The following UVRAG variants were observed in gnomAD, a reference collection of about 807,000 sequenced individuals.
The protein encoded by UVRAG is UV radiation resistance associated, also known as UV radiation resistance-associated gene protein.
Under a neutral mutation model 78.0 loss-of-function variants are expected in UVRAG, and 19 were observed. The ratio of observed to expected loss-of-function variants is 0.24; its 90% CI spans 0.17 to 0.36. UVRAG has a LOEUF of 0.36. Ranked by LOEUF, UVRAG falls within the 10% of genes least tolerant of loss-of-function variation. UVRAG has a pLI of 1.00. For synonymous variants in UVRAG, 323 were observed against 324.6 expected, an observed-to-expected ratio of 1.00 and a Z score of 0.05; for missense variants, 740 against 853.8, an observed-to-expected ratio of 0.87 and a Z score of 1.66.
At chr11:76,111,321 T>C (rs185519721) in intron 13 of UVRAG, among the ~76,000 whole-genome samples, 49 of 152,184 alleles carry the variant, frequency 3.2e-4, no homozygotes, top group Admixed American at 3.1e-3. Context: ...TGGTACCGAG[T>C]ATCTCATGAA....
intron 4 of UVRAG, 32 bp from the exon 5 acceptor site, chr11:75,888,797 A>G (rs766097904): frequency 7.0e-6 from 11 of 1,572,590 alleles, no homozygotes; most frequent in Non-Finnish European, 9.6e-6. Flanking sequence ...CGGAATAAAA[A>G]TAACAAATAC....
intron 1 of UVRAG, among the ~76,000 whole-genome samples, chr11:75,839,862 T>TATATAG (rs146855804): frequency 0.093 from 13,781 of 148,862 alleles, 775 homozygotes; most frequent in African/African-American, 0.16. Context: ...CATATATATA[T>TATATAG]AGAGAGAGAG....
chr11:76,131,426 G>T (rs1952511393), intron 14 of UVRAG, among the ~76,000 whole-genome samples: 1 of 152,168 alleles, frequency 6.6e-6, no homozygotes, highest in South Asian at 2.1e-4. Context: ...ACATCACAAA[G>T]CCTGGTGAAC....
At chr11:75,894,256 G>A (rs1326936803) in intron 5 of UVRAG, among the ~76,000 whole-genome samples, 1 of 152,070 alleles carries the variant, frequency 6.6e-6, no homozygotes, top group Non-Finnish European at 1.5e-5. Context: ...CGTGGAAAAA[G>A]TGAGGGTAAA....
At chr11:76,109,939 T>C (rs1420905299) in intron 13 of UVRAG, among the ~76,000 whole-genome samples, 1 of 152,196 alleles carries the variant, frequency 6.6e-6, no homozygotes, top group East Asian at 1.9e-4. Context: ...CATTTCACTA[T>C]ATAATTATTT....
chr11:76,140,917 C>G lies in UVRAG; in HGVS notation c.1604C>G (p.Pro535Arg), dbSNP rs754572586. ...TTAGCCCAGCCTGTGACCACCGTCCCCTCCATGGGAGAGACCGAGAGAAAG... is the reference window on the plus strand; with the variant it reads ...TTAGCCCAGCCTGTGACCACCGTCCGCTCCATGGGAGAGACCGAGAGAAAG... ...SALAQPVTTV[P>R]SMGETERKIT... The change falls in exon 15 of 15, where the codon CCC (proline) becomes CGC (arginine). Residue 535 changes from proline (P) to arginine (R), a missense_variant. Coordinates refer to ENST00000356136, the MANE Select transcript of UVRAG (RefSeq NM_003369.4). 2 of 1,614,182 alleles carry G rather than the reference C, an allele frequency of 1.2e-6. No homozygotes were observed. The highest frequency in any genetic ancestry group is 1.1e-5 in the South Asian group (1 of 91,086).
At chr11:75,953,858 G>A (rs1240661815) in intron 6 of UVRAG, among the ~76,000 whole-genome samples, 4 of 152,066 alleles carry the variant, frequency 2.6e-5, no homozygotes, top group African/African-American at 9.7e-5. Context: ...CACCAGTGAC[G>A]ATAAGTTTTA....
At chr11:75,861,006 A>G (rs1946410291) in intron 2 of UVRAG, among the ~76,000 whole-genome samples, 2 of 152,092 alleles carry the variant, frequency 1.3e-5, no homozygotes, top group African/African-American at 2.4e-5. Context: ...AGCAGCATGG[A>G]GATGACTTGG....
At chr11:76,071,610 A>G (rs1951310730) in intron 13 of UVRAG, among the ~76,000 whole-genome samples, 2 of 152,130 alleles carry the variant, frequency 1.3e-5, no homozygotes. Flanking sequence ...TCCACATTCT[A>G]GCTACTTTAA....
In UVRAG at chr11:75,859,546, C is replaced by G. The variant is rs965674176; in HGVS notation, c.236-2200C>G. On this transcript the variant is annotated intron_variant, in intron 2 of 14. Transcript: ENST00000356136. ...TAAAAATTATAAAATATTTTAAATACATTATTTTATTTCAGCCTCGTAACA... is the reference window on the plus strand; with the variant it reads ...TAAAAATTATAAAATATTTTAAATAGATTATTTTATTTCAGCCTCGTAACA... Among the ~76,000 whole-genome samples the G allele has an allele frequency of 2.0e-5, 3 of 151,938 alleles. No individual in the cohort carries two copies. In the East Asian group the frequency reaches 5.8e-4, roughly 29 times the overall value.
At chr11:76,087,489 G>A (rs1951608810) in intron 13 of UVRAG, among the ~76,000 whole-genome samples, 1 of 152,166 alleles carries the variant, frequency 6.6e-6, no homozygotes, top group Non-Finnish European at 1.5e-5. Flanking sequence ...TACTGCCACA[G>A]ATGATAATCA....
At chr11:75,878,181 C>T (rs1289907842) in intron 3 of UVRAG, among the ~76,000 whole-genome samples, 4 of 149,472 alleles carry the variant, frequency 2.7e-5, no homozygotes, top group South Asian at 2.1e-4. Context: ...ACCTCCCAGA[C>T]GGGGTCACGG....
At chr11:75,948,405 C>T (rs949940334) in intron 6 of UVRAG, among the ~76,000 whole-genome samples, 6 of 151,904 alleles carry the variant, frequency 3.9e-5, no homozygotes, top group African/African-American at 1.2e-4. Flanking sequence ...GGAAATTATG[C>T]GGATAAGAGC....
intron 3 of UVRAG, among the ~76,000 whole-genome samples, chr11:75,865,967 G>C (rs1946527340): frequency 6.6e-6 from 1 of 151,910 alleles, no homozygotes; most frequent in Non-Finnish European, 1.5e-5. Context: ...TTTTTTAAAA[G>C]TAGTTTGGCC....
intron 4 of UVRAG, among the ~76,000 whole-genome samples, chr11:75,886,831 T>G (rs1396123048): frequency 6.6e-6 from 1 of 151,282 alleles, no homozygotes; most frequent in African/African-American, 2.5e-5. Flanking sequence ...AACTTTCACT[T>G]AAAACCTTCA....
chr11:75,953,775 T>G (rs1174791514), intron 6 of UVRAG, among the ~76,000 whole-genome samples: 2 of 152,120 alleles, frequency 1.3e-5, no homozygotes, highest in Non-Finnish European at 1.5e-5. Context: ...CAAATCATGT[T>G]AAAAAATAGG....
chr11:76,062,145 A>C (rs1403399556), intron 12 of UVRAG, among the ~76,000 whole-genome samples: 2 of 151,836 alleles, frequency 1.3e-5, no homozygotes, highest in African/African-American at 4.8e-5. Context: ...TCTGCACACA[A>C]CCTCTTTTCC....
chr11:75,839,569 T>C (rs140924712), intron 1 of UVRAG, among the ~76,000 whole-genome samples: 47 of 152,144 alleles, frequency 3.1e-4, no homozygotes, highest in African/African-American at 1.0e-3. Context: ...CTTGTTTGTC[T>C]CTTTTTTCAA....
At chr11:75,909,348 G>A (rs1947685033) in intron 5 of UVRAG, among the ~76,000 whole-genome samples, 1 of 152,110 alleles carries the variant, frequency 6.6e-6, no homozygotes, top group Non-Finnish European at 1.5e-5. Context: ...ACTGGGTATG[G>A]TGTTGCATGC....
Sources: allele counts gnomAD v4.1 joint callset (sites outside exome capture counted in the v4.1 genomes callset), GRCh38; gene constraint gnomAD v4.1.1; transcripts MANE v1.5; gene names NCBI Gene and HGNC (gene_info 2026-07-23, HGNC 2026-07-21).